FHIT: variants seen among roughly 807,000 people sequenced by gnomAD.
The protein encoded by FHIT is bis(5'-adenosyl)-triphosphatase.
In FHIT, 19 loss-of-function variants were observed where a neutral mutation model predicts 17.9. The ratio of observed to expected loss-of-function variants is 1.06; its 90% confidence interval spans 0.74 to 1.56. The LOEUF is 1.56. Ranked by LOEUF, FHIT falls within the 40% of genes most tolerant of loss-of-function variation. The pLI is 0.00. For synonymous variants in FHIT, 81 were observed against 69.7 expected (o/e 1.16, Z -0.81); for missense variants, 248 against 189.2 (o/e 1.31, Z -1.82).
At chr3:60,964,003 A>G (rs12487847) in intron 3 of FHIT, among the ~76,000 whole-genome samples, 1 of 151,904 alleles carries the variant, frequency 6.6e-6, no homozygotes, top group Non-Finnish European at 1.5e-5. Flanking sequence ...TTTCTGTCTC[A>G]TTGATCTGTC....
At chr3:61,111,233 G>A (rs1020477703) in intron 2 of FHIT, among the ~76,000 whole-genome samples, 1 of 152,228 alleles carries the variant, frequency 6.6e-6, no homozygotes, top group South Asian at 2.1e-4. Context: ...GCTACACCAG[G>A]CTCTCTCTAG....
At chr3:60,939,116 A>G (rs1002104252) in intron 3 of FHIT, among the ~76,000 whole-genome samples, 12 of 152,332 alleles carry the variant, frequency 7.9e-5, no homozygotes, top group African/African-American at 2.9e-4. Context: ...TACGCACATT[A>G]CATTAAAGTC....
At chr3:60,791,822 C>T (rs1700787677) in intron 4 of FHIT, among the ~76,000 whole-genome samples, 1 of 152,154 alleles carries the variant, frequency 6.6e-6, no homozygotes, top group Non-Finnish European at 1.5e-5. Flanking sequence ...CTTCTTCTCT[C>T]TTTAAAAAAG....
At chr3:60,947,375 T>C (rs1233989847) in intron 3 of FHIT, among the ~76,000 whole-genome samples, 2 of 152,206 alleles carry the variant, frequency 1.3e-5, no homozygotes, top group African/African-American at 4.8e-5. Context: ...TCGCGTGTTT[T>C]CTAAGATCTA....
intron 8 of FHIT, among the ~76,000 whole-genome samples, chr3:59,856,362 C>T (rs59965475): frequency 7.2e-5 from 11 of 152,166 alleles, no homozygotes; most frequent in African/African-American, 1.9e-4. Context: ...TGATTTTACA[C>T]GCAAATTTTT....
At chr3:60,156,614 T>C (rs1287822131) in intron 5 of FHIT, among the ~76,000 whole-genome samples, 1 of 151,550 alleles carries the variant, frequency 6.6e-6, no homozygotes, top group African/African-American at 2.4e-5. Context: ...TAGCCGGCCA[T>C]AATGGTGAGC....
intron 5 of FHIT, among the ~76,000 whole-genome samples, chr3:60,220,832 G>T (rs1015429468): frequency 6.6e-6 from 1 of 152,142 alleles, no homozygotes; most frequent in Non-Finnish European, 1.5e-5. Context: ...CTTCACAGCA[G>T]TATTAGAAAA....
intron 2 of FHIT, among the ~76,000 whole-genome samples, chr3:61,169,631 A>C (rs2037939380): frequency 6.6e-6 from 1 of 152,222 alleles, no homozygotes; most frequent in Admixed American, 6.5e-5. Flanking sequence ...ATGAGAAGTG[A>C]ACTTCTTTGT....
intron 3 of FHIT, among the ~76,000 whole-genome samples, chr3:61,014,016 G>A (rs570558176): frequency 1.3e-5 from 2 of 152,238 alleles, no homozygotes; most frequent in Non-Finnish European, 2.9e-5. Flanking sequence ...GGCAAGAGAC[G>A]GGGCAAGGAG....
At chr3:60,951,660 G>C (rs797029965) in intron 3 of FHIT, among the ~76,000 whole-genome samples, 1 of 152,144 alleles carries the variant, frequency 6.6e-6, no homozygotes, top group Non-Finnish European at 1.5e-5. Flanking sequence ...CCAGCACAAC[G>C]CTCTCGGAGC....
At chr3:60,442,981 TC>T (rs1353591005) in intron 5 of FHIT, among the ~76,000 whole-genome samples, 1 of 152,076 alleles carries the variant, frequency 6.6e-6, no homozygotes, top group Non-Finnish European at 1.5e-5. Context: ...CTTGAAGAGG[TC>T]CTTCACATCC....
At chr3:61,119,824 A>T (rs925563342) in intron 2 of FHIT, among the ~76,000 whole-genome samples, 2 of 152,158 alleles carry the variant, frequency 1.3e-5, no homozygotes, top group African/African-American at 4.8e-5. Flanking sequence ...TCTGGTTTTC[A>T]GGCTTTCAGA....
At chr3:60,821,416 T>C (rs1243747514) in intron 4 of FHIT, among the ~76,000 whole-genome samples, 3 of 152,184 alleles carry the variant, frequency 2.0e-5, no homozygotes, top group African/African-American at 4.8e-5. Context: ...CCTCTGACCA[T>C]GAACAGTACC....
In FHIT at chr3:60,756,584, G is replaced by A. The variant is rs1699425741; in HGVS notation, c.-18+65335C>T. ...GACTAATAAAATGGGTTGGGGAGAC[G>A]GTATTGATGAAGAAGCAGCCGGAGA... On this transcript the variant is annotated intron_variant, in intron 4 of 9. Coordinates refer to ENST00000492590, the MANE Select transcript of FHIT (RefSeq NM_002012.4). 4.6e-5 allele frequency among the ~76,000 whole-genome samples: 7 copies of A among 152,236 alleles called. No individual in the cohort carries two copies. The South Asian group carries it at 1.0e-3, about 23-fold the overall frequency.
chr3:59,929,659 G>A (rs772995049), intron 7 of FHIT, among the ~76,000 whole-genome samples: 11 of 151,940 alleles, frequency 7.2e-5, no homozygotes, highest in African/African-American at 2.7e-4. Flanking sequence ...ATCACCAACA[G>A]CTCTCAACTT....
chr3:60,093,260 G>A (rs913847927), intron 5 of FHIT, among the ~76,000 whole-genome samples: 1 of 152,126 alleles, frequency 6.6e-6, no homozygotes, highest in African/African-American at 2.4e-5. Flanking sequence ...TTCTTTTCCA[G>A]TTTCTAGAGT....
rs974830433 is a variant in FHIT at position 60,537,497 on chromosome 3, A to G, written c.-17-518T>C. 17 of 977,904 alleles carry G rather than the reference A, an allele frequency of 1.7e-5. No homozygotes were observed. The African/African-American group carries it at 3.0e-4, about 17-fold the overall frequency. The allele number at this position is 977,904 out of a possible 1,614,324, so 60.6% of individuals were successfully genotyped here. Reference sequence around the variant, plus strand: ...ACAAAAACATGAGCACTTCCAGAGAACTATTCTAGTAAAATCTCCAAAATA... The same window carrying G: ...ACAAAAACATGAGCACTTCCAGAGAGCTATTCTAGTAAAATCTCCAAAATA... On this transcript the variant is annotated intron_variant, in intron 4 of 9. Transcript: ENST00000492590.
chr3:61,150,961 T>C (rs931528114), intron 2 of FHIT, among the ~76,000 whole-genome samples: 11 of 152,238 alleles, frequency 7.2e-5, no homozygotes, highest in African/African-American at 2.7e-4. Flanking sequence ...TTTTTTTATA[T>C]TTCATTTTAC....
At chr3:60,528,157 A>G (rs1417542110) in intron 5 of FHIT, among the ~76,000 whole-genome samples, 3 of 152,236 alleles carry the variant, frequency 2.0e-5, no homozygotes, top group East Asian at 1.9e-4. Flanking sequence ...TTTCTTGTAG[A>G]AAAGGGTCTA....
Sources: allele counts gnomAD v4.1 joint callset (sites outside exome capture counted in the v4.1 genomes callset), GRCh38; gene constraint gnomAD v4.1.1; transcripts MANE v1.5; gene names NCBI Gene and HGNC (gene_info 2026-07-23, HGNC 2026-07-21).